The following OTUD7B variants were observed in gnomAD, a reference collection of about 807,000 sequenced individuals.
OTUD7B encodes the protein OTU deubiquitinase 7B.
Under a neutral mutation model 82.2 loss-of-function variants are expected in OTUD7B, and 34 were observed. That is an observed-to-expected ratio of 0.41 (90% CI 0.31 to 0.55). The LOEUF (loss-of-function observed/expected upper bound fraction) is 0.55. Among genes scored for constraint, OTUD7B ranks in the 20% least tolerant of loss-of-function variants. OTUD7B has a pLI of 0.20. For synonymous variants in OTUD7B, 398 were observed against 402.7 expected (o/e 0.99, Z 0.14); for missense variants, 944 against 1,062.1 (o/e 0.89, Z 1.55).
At chr1:149,963,955 C>T (rs1487949398) in intron 6 of OTUD7B, 2 of 338,350 alleles carry the variant, frequency 5.9e-6, no homozygotes, top group African/African-American at 4.2e-5. Context: ...CAAAACACTG[C>T]CACTAAAAGC....
chr1:150,064,226 T>G, the OTUD7B span, among the ~76,000 whole-genome samples: 13 of 152,310 alleles, frequency 8.5e-5, no homozygotes, highest in African/African-American at 2.9e-4. Context: ...TTCTCACAAA[T>G]TCATGAGGTA....
chr1:149,986,160 T>C (rs1651120410), intron 1 of OTUD7B, among the ~76,000 whole-genome samples: 1 of 151,870 alleles, frequency 6.6e-6, no homozygotes, highest in Non-Finnish European at 1.5e-5. Flanking sequence ...GGCTTGTTCA[T>C]CCAATATTCC....
the OTUD7B span, among the ~76,000 whole-genome samples, chr1:150,056,822 C>G: frequency 0.98 from 149,546 of 152,342 alleles, 73,411 homozygotes; most frequent in East Asian, 1. Flanking sequence ...AATACATACA[C>G]AAGGAATGAA....
intron 7 of OTUD7B, among the ~76,000 whole-genome samples, chr1:149,954,491 T>G (rs1368562102): frequency 1.3e-5 from 2 of 152,204 alleles, no homozygotes; most frequent in Non-Finnish European, 2.9e-5. Context: ...TCATCAGGGA[T>G]AGTGGTCTAA....
At chr1:149,975,082 C>T (rs1283145451) in intron 2 of OTUD7B, among the ~76,000 whole-genome samples, 1 of 152,156 alleles carries the variant, frequency 6.6e-6, no homozygotes, top group African/African-American at 2.4e-5. Context: ...TTAATAGTTT[C>T]TCCAATGTGC....
chr1:149,982,660 A>G (rs1019352492), intron 1 of OTUD7B, among the ~76,000 whole-genome samples: 34 of 151,976 alleles, frequency 2.2e-4, no homozygotes, highest in African/African-American at 8.2e-4. Context: ...ATCCATCTGC[A>G]CAACTCGCCT....
chr1:149,987,563 C>T (rs1651239927), intron 1 of OTUD7B, among the ~76,000 whole-genome samples: 1 of 152,186 alleles, frequency 6.6e-6, no homozygotes, highest in Admixed American at 6.5e-5. Context: ...TACAATAAAT[C>T]CTCAACAATT....
In OTUD7B at chr1:149,967,501, T is replaced by C. The variant is rs782327031; in HGVS notation, c.295A>G (p.Ile99Val). 1.9e-6 allele frequency: 3 copies of C among 1,610,724 alleles called. No homozygotes were observed. The highest frequency in any genetic ancestry group is 2.2e-5 in the South Asian group (2 of 90,580). Residue 99 changes from isoleucine to valine, a missense_variant, in exon 4 of 12, where the codon ATC becomes GTC. Physicochemically the swap from Ile to Val is conservative, Grantham distance 29. Transcript: ENST00000581312. ...IVQEKRLSRG[I>V]SHASSSIVSL... The stretch of plus-strand genomic sequence containing the variant: ...ACAATGCTGGAGCTGGCGTGGGAGA[T>C]GCCCCTAGACAGGCGTTTTTCTGCA...
At chr1:149,961,890 T>C (rs888858065) in intron 6 of OTUD7B, 3 of 152,204 alleles carry the variant, frequency 2.0e-5, no homozygotes, top group African/African-American at 7.2e-5. Context: ...TTAGGATGTA[T>C]ATAATGATAA....
chr1:150,052,993 G>A, the OTUD7B span, among the ~76,000 whole-genome samples: 1 of 152,078 alleles, frequency 6.6e-6, no homozygotes, highest in Non-Finnish European at 1.5e-5. Flanking sequence ...ATATGCAGAA[G>A]ATTGAAACTG....
intron 7 of OTUD7B, among the ~76,000 whole-genome samples, chr1:149,952,546 A>T (rs1648344686): frequency 6.6e-6 from 1 of 152,166 alleles, no homozygotes; most frequent in African/African-American, 2.4e-5. Flanking sequence ...ATGATTTATA[A>T]TCCTTTGGGT....
rs587725085 is a variant in OTUD7B at position 149,959,083 on chromosome 1, G to A, written c.845+601C>T. On this transcript the variant is annotated intron_variant, in intron 7 of 11. Transcript: ENST00000581312. The stretch of plus-strand genomic sequence containing the variant: ...ATAAAAATACAAAAATTAGCTGGGC[G>A]TGGTGGCATGCATCTGTAGTCCCAG... Among the ~76,000 whole-genome samples the A allele has an allele frequency of 2.6e-5, 4 of 152,000 alleles. No homozygotes were observed. In the South Asian group the frequency reaches 6.2e-4, roughly 24 times the overall value.
the OTUD7B span, among the ~76,000 whole-genome samples, chr1:150,020,023 G>A: frequency 6.6e-6 from 1 of 152,168 alleles, no homozygotes; most frequent in Non-Finnish European, 1.5e-5. Flanking sequence ...GGCTACTCAG[G>A]AGGCTGAGGA....
At chr1:150,002,294 A>C (rs1553785036) in intron 1 of OTUD7B, among the ~76,000 whole-genome samples, 1 of 152,160 alleles carries the variant, frequency 6.6e-6, no homozygotes, top group African/African-American at 2.4e-5. Flanking sequence ...AATAAAACTA[A>C]GTTTAAAAGA....
chr1:150,022,773 C>T, the OTUD7B span, among the ~76,000 whole-genome samples: 12 of 152,086 alleles, frequency 7.9e-5, no homozygotes, highest in African/African-American at 2.9e-4. Context: ...CTTTAGTATC[C>T]CACCAGATTT....
At chr1:150,067,237 C>A in the OTUD7B span, 3 of 152,218 alleles carry the variant, frequency 2.0e-5, no homozygotes, top group African/African-American at 7.2e-5. Flanking sequence ...CAATTAGGGC[C>A]TCTGCAGCCT....
intron 4 of OTUD7B, among the ~76,000 whole-genome samples, 192 bp from the exon 5 acceptor site, chr1:149,966,070 C>G (rs1370459872): frequency 6.6e-6 from 1 of 152,194 alleles, no homozygotes; most frequent in African/African-American, 2.4e-5. Flanking sequence ...TTGGTTAGAT[C>G]AGTGAGTAGG....
intron 7 of OTUD7B, among the ~76,000 whole-genome samples, chr1:149,951,785 T>C (rs1041036684): frequency 6.6e-5 from 10 of 152,192 alleles, no homozygotes; most frequent in African/African-American, 2.4e-4. Context: ...TTTTTAACCA[T>C]TATGGAAAAT....
intron 1 of OTUD7B, among the ~76,000 whole-genome samples, chr1:149,980,545 A>G (rs1384674263): frequency 1.3e-5 from 2 of 151,628 alleles, no homozygotes; most frequent in Non-Finnish European, 2.9e-5. Flanking sequence ...ACATGGTGAA[A>G]CCCTGTCTCT....
Sources: allele counts gnomAD v4.1 joint callset (sites outside exome capture counted in the v4.1 genomes callset), GRCh38; gene constraint gnomAD v4.1.1; transcripts MANE v1.5; gene names NCBI Gene and HGNC (gene_info 2026-07-23, HGNC 2026-07-21).